The following KCNH1 variants were observed in gnomAD, a reference collection of about 807,000 sequenced individuals.
The protein encoded by KCNH1 is potassium voltage-gated channel subfamily H member 1, also known as voltage-gated delayed rectifier potassium channel KCNH1.
A neutral mutation model predicts 69.2 loss-of-function variants in KCNH1; 27 were observed. The observed-to-expected ratio is 0.39, with a 90% CI of 0.29 to 0.54. KCNH1 has a LOEUF of 0.54. Ranked by LOEUF, KCNH1 falls within the 20% of genes least tolerant of loss-of-function variation. The pLI, the probability that KCNH1 is intolerant of heterozygous loss-of-function variation, is 0.68. For missense variants in KCNH1, 798 were observed against 1,261.6 expected (o/e 0.63, Z 5.57); for synonymous variants, 456 against 487.7 (o/e 0.93, Z 0.86).
At chr1:210,704,395 TAAC>T (rs1681854831) in intron 10 of KCNH1, among the ~76,000 whole-genome samples, 1 of 152,284 alleles carries the variant, frequency 6.6e-6, no homozygotes, top group African/African-American at 2.4e-5. Flanking sequence ...TTTCCTCTGA[TAAC>T]AAAGGCAGAG....
chr1:210,952,158 T>C lies in KCNH1; in HGVS notation c.1033-32089A>G, dbSNP rs1227649724. 2.0e-5 allele frequency among the ~76,000 whole-genome samples: 3 copies of C among 152,270 alleles called. No homozygotes were observed. In the East Asian group the frequency reaches 5.8e-4, roughly 29 times the overall value. ...CTCAGCACCTACTGCCCAGGCAATATCTAAGGAATTGTCACTTCACAGGGT... is the reference window on the plus strand; with the variant it reads ...CTCAGCACCTACTGCCCAGGCAATACCTAAGGAATTGTCACTTCACAGGGT... On this transcript the variant is annotated intron_variant, in intron 6 of 10. Transcript: ENST00000271751.
At chr1:210,925,422 A>G (rs554673346) in intron 6 of KCNH1, among the ~76,000 whole-genome samples, 11 of 152,310 alleles carry the variant, frequency 7.2e-5, no homozygotes, top group African/African-American at 2.6e-4. Context: ...TTGATATGCC[A>G]AAAACCTGTG....
chr1:210,685,861 G>T (rs1323021217), intron 10 of KCNH1, among the ~76,000 whole-genome samples: 1 of 152,214 alleles, frequency 6.6e-6, no homozygotes, highest in Non-Finnish European at 1.5e-5. Flanking sequence ...ACGGTTAATT[G>T]CTTGATGCTA....
intron 6 of KCNH1, among the ~76,000 whole-genome samples, chr1:210,937,748 CA>C (rs1687798573): frequency 6.6e-6 from 1 of 152,032 alleles, no homozygotes; most frequent in Admixed American, 6.5e-5. Flanking sequence ...GAGTTCCTAA[CA>C]TTCTTTTAAT....
intron 7 of KCNH1, among the ~76,000 whole-genome samples, chr1:210,865,421 T>C (rs1686086044): frequency 6.6e-6 from 1 of 152,200 alleles, no homozygotes. Context: ...CTAAATCTGT[T>C]AACTACTTGT....
chr1:211,074,014 T>G (rs77315646), intron 5 of KCNH1, among the ~76,000 whole-genome samples: 3,382 of 151,192 alleles, frequency 0.022, 112 homozygotes, highest in African/African-American at 0.078. Flanking sequence ...GTTTGCCTTA[T>G]ATTGGCAATC....
intron 5 of KCNH1, among the ~76,000 whole-genome samples, chr1:211,062,730 G>A (rs1398134282): frequency 6.6e-6 from 1 of 152,160 alleles, no homozygotes; most frequent in Non-Finnish European, 1.5e-5. Context: ...ACTGATCAGA[G>A]AAATGCAAAT....
intron 10 of KCNH1, among the ~76,000 whole-genome samples, chr1:210,692,988 C>G (rs1195979491): frequency 6.6e-6 from 1 of 152,190 alleles, no homozygotes; most frequent in African/African-American, 2.4e-5. Flanking sequence ...AACGGAGGCC[C>G]TGTCCACAGC....
At chr1:210,848,448 A>G (rs1386832211) in intron 7 of KCNH1, among the ~76,000 whole-genome samples, 1 of 152,210 alleles carries the variant, frequency 6.6e-6, no homozygotes. Flanking sequence ...TTAACAATCT[A>G]CGTTCTAGAT....
chr1:210,963,883 G>C (rs1688344995), intron 6 of KCNH1, among the ~76,000 whole-genome samples: 1 of 152,160 alleles, frequency 6.6e-6, no homozygotes. Context: ...ATATTATCCA[G>C]GAGAACTCCC....
intron 7 of KCNH1, among the ~76,000 whole-genome samples, chr1:210,874,849 C>G (rs777259759): frequency 6.6e-6 from 1 of 152,146 alleles, no homozygotes; most frequent in Non-Finnish European, 1.5e-5. Flanking sequence ...AACATATACA[C>G]ATAACCCAGT....
intron 7 of KCNH1, among the ~76,000 whole-genome samples, chr1:210,906,631 C>G (rs1687107766): frequency 6.6e-6 from 1 of 152,188 alleles, no homozygotes; most frequent in Non-Finnish European, 1.5e-5. Context: ...AACAGAATGT[C>G]CAAATGGCCT....
intron 7 of KCNH1, among the ~76,000 whole-genome samples, chr1:210,878,323 G>A (rs1686424796): frequency 6.6e-6 from 1 of 151,772 alleles, no homozygotes; most frequent in South Asian, 2.1e-4. Context: ...AGACTAATTT[G>A]CCCAAGAACA....
chr1:210,937,317 C>T (rs1356577630), intron 6 of KCNH1, among the ~76,000 whole-genome samples: 1 of 152,206 alleles, frequency 6.6e-6, no homozygotes, highest in African/African-American at 2.4e-5. Context: ...CATAGTGTCT[C>T]AACTGTCTTC....
intron 6 of KCNH1, among the ~76,000 whole-genome samples, chr1:211,014,899 T>G (rs370886479): frequency 6.6e-6 from 1 of 152,172 alleles, no homozygotes; most frequent in Admixed American, 6.5e-5. Context: ...ATATGGTGAA[T>G]AGGAAGCCAC....
At chr1:210,686,289 G>A (rs1681405914) in intron 10 of KCNH1, among the ~76,000 whole-genome samples, 1 of 152,164 alleles carries the variant, frequency 6.6e-6, no homozygotes, top group Non-Finnish European at 1.5e-5. Flanking sequence ...GCTCTGTTCT[G>A]GGAATGGCCT....
At chr1:210,954,997 A>C (rs546070941) in intron 6 of KCNH1, among the ~76,000 whole-genome samples, 54 of 152,104 alleles carry the variant, frequency 3.6e-4, no homozygotes, top group Non-Finnish European at 6.8e-4. Flanking sequence ...CCTGAATGGT[A>C]TTGCCTAGGT....
At chr1:210,956,185 G>C (rs1179470169) in intron 6 of KCNH1, among the ~76,000 whole-genome samples, 1 of 152,168 alleles carries the variant, frequency 6.6e-6, no homozygotes, top group Non-Finnish European at 1.5e-5. Flanking sequence ...CGTTGGTTCT[G>C]TTTATGTGAT....
At chr1:210,960,084 G>T (rs1216371194) in intron 6 of KCNH1, among the ~76,000 whole-genome samples, 1 of 152,068 alleles carries the variant, frequency 6.6e-6, no homozygotes, top group Non-Finnish European at 1.5e-5. Context: ...TTTATCACCA[G>T]CAACATTTTA....
Sources: allele counts gnomAD v4.1 joint callset (sites outside exome capture counted in the v4.1 genomes callset), GRCh38; gene constraint gnomAD v4.1.1; transcripts MANE v1.5; gene names NCBI Gene and HGNC (gene_info 2026-07-23, HGNC 2026-07-21).